RADX: variants seen among roughly 807,000 people sequenced by gnomAD.
RADX encodes RPA-related protein RADX.
A neutral mutation model predicts 61.6 loss-of-function variants in RADX; 36 were observed. The ratio of observed to expected loss-of-function variants is 0.58; its 90% CI spans 0.45 to 0.77. RADX has a LOEUF of 0.77. Among genes scored for constraint, RADX ranks in the 30% least tolerant of loss-of-function variants. The probability of loss-of-function intolerance (pLI) is 0.00; values close to 1 mark genes in which losing one functional copy is unlikely to be tolerated. For synonymous variants in RADX, 272 were observed against 237.9 expected (o/e 1.14, Z -1.32); for missense variants, 497 against 651.1 (o/e 0.76, Z 2.58).
At chrX:106,618,788 T>A (rs757594858) in intron 1 of RADX, among the ~76,000 whole-genome samples, 16 of 110,390 alleles carry the variant, frequency 1.4e-4, no homozygotes, top group African/African-American at 5.3e-4. Context: ...ACCAAAAGAG[T>A]GAGACCTTGT....
Position 106,612,512 on chromosome X carries a change from C to A in RADX, c.432C>A (p.Gly144=). ...VSCLYNEKRI[G]QGILCIDNVH... is the part of the protein sequence containing the mutation. Reference sequence around the variant, plus strand: ...GTCTTTACAATGAGAAAAGGATAGGCCAGGGGATCCTGTGCATAGATAACG... The same window carrying A: ...GTCTTTACAATGAGAAAAGGATAGGACAGGGGATCCTGTGCATAGATAACG... The change falls in exon 1 of 14, where the codon GGC becomes GGA. Residue 144 remains glycine, a synonymous_variant. Transcript: ENST00000372548. 8.3e-7 allele frequency: 1 copy of A among 1,210,187 alleles called. No homozygotes were observed. The highest frequency in any genetic ancestry group is 1.1e-6 in the Non-Finnish European group (1 of 894,253).
In RADX at chrX:106,612,176, G is replaced by A; in HGVS notation, c.96G>A (p.Gly32=). ...GGAATCGGGCTGGGGTCCCGGGAGG[G>A]GTGATCCGAAGAGCTGGTTCCCAAG... ...PERNRAGVPG[G]VIRRAGSQGP... The change falls in exon 1 of 14, where the codon GGG becomes GGA. Residue 32 remains glycine, a synonymous_variant. Transcript: ENST00000372548. The A allele has an allele frequency of 8.3e-7, 1 of 1,211,831 alleles. No individual in the cohort carries two copies. Among genetic ancestry groups the A allele is most frequent in the East Asian group, 3.0e-5 (1 of 33,809 alleles).
At chrX:106,650,815 A>G (rs1185390234) in intron 11 of RADX, among the ~76,000 whole-genome samples, 1 of 111,995 alleles carries the variant, frequency 8.9e-6, no homozygotes, top group African/African-American at 3.2e-5. Context: ...ATCCACACAC[A>G]CACTTATCGG....
intron 12 of RADX, among the ~76,000 whole-genome samples, chrX:106,668,089 G>A (rs1321692880): frequency 1.8e-5 from 2 of 111,369 alleles, no homozygotes; most frequent in East Asian, 2.8e-4. Context: ...CTTAGAAAGC[G>A]CTAAGTGGCC....
At chrX:106,623,119 A>T (rs1465612312) in intron 2 of RADX, among the ~76,000 whole-genome samples, 1 of 111,101 alleles carries the variant, frequency 9.0e-6, no homozygotes, top group African/African-American at 3.3e-5. Flanking sequence ...TTAAAAAAAG[A>T]AAAGAAAAGA....
intron 12 of RADX, among the ~76,000 whole-genome samples, chrX:106,667,620 C>G (rs1278372821): frequency 9.0e-6 from 1 of 111,404 alleles, no homozygotes; most frequent in Non-Finnish European, 1.9e-5. Flanking sequence ...CCACCACACC[C>G]GACCAGAACT....
chrX:106,676,036 A>G (rs947078364), intron 13 of RADX, among the ~76,000 whole-genome samples: 1 of 111,949 alleles, frequency 8.9e-6, no homozygotes, highest in African/African-American at 3.2e-5. Flanking sequence ...GAACAGCTGA[A>G]CAGAAGACTT....
chrX:106,664,144 T>TA (rs1246338471), intron 12 of RADX, among the ~76,000 whole-genome samples: 1 of 111,269 alleles, frequency 9.0e-6, no homozygotes, highest in Non-Finnish European at 1.9e-5. Context: ...TAGGTATTAC[T>TA]AGGTACTTGC....
chrX:106,627,218 G>A (rs891261649), intron 3 of RADX, among the ~76,000 whole-genome samples: 1 of 111,464 alleles, frequency 9.0e-6, no homozygotes, highest in Non-Finnish European at 1.9e-5. Context: ...GCATTGCTAT[G>A]GGTTTAAATC....
At chrX:106,650,601 G>C (rs1006958621) in intron 11 of RADX, among the ~76,000 whole-genome samples, 10 of 111,230 alleles carry the variant, frequency 9.0e-5, no homozygotes, top group Non-Finnish European at 7.5e-5. Context: ...TTTTTTTATA[G>C]AGATAGTGTC....
intron 11 of RADX, among the ~76,000 whole-genome samples, 175 bp from the exon 12 acceptor site, chrX:106,661,840 C>T (rs1178403444): frequency 1.8e-5 from 2 of 111,479 alleles, no homozygotes; most frequent in Non-Finnish European, 3.8e-5. Flanking sequence ...AATTTAGTTC[C>T]TCACTTTAAT....
intron 3 of RADX, among the ~76,000 whole-genome samples, chrX:106,630,354 A>C (rs901029014): frequency 6.3e-5 from 7 of 110,315 alleles, no homozygotes; most frequent in African/African-American, 2.3e-4. Flanking sequence ...ACAAAAAAAA[A>C]AAAAAACACC....
In RADX at chrX:106,614,652, C is replaced by T. The variant is rs549751762; in HGVS notation, c.643+1929C>T. Among the ~76,000 whole-genome samples the T allele has an allele frequency of 6.0e-4, 67 of 111,558 alleles. No homozygotes were observed. The South Asian group carries it at 0.024, about 40-fold the overall frequency. On this transcript the variant is annotated intron_variant, in intron 1 of 13. Coordinates refer to ENST00000372548, the MANE Select transcript of RADX (RefSeq NM_018015.6). ...AACATACATATGAGAATGCCCATTT[C>T]CCCATATCTTACTATTTTTAAATAC...
chrX:106,632,263 A>T (rs1249605265), intron 3 of RADX, among the ~76,000 whole-genome samples: 1 of 112,200 alleles, frequency 8.9e-6, no homozygotes, highest in Non-Finnish European at 1.9e-5. Flanking sequence ...ACATGGATGA[A>T]TTTTATTAAT....
Position 106,612,156 on chromosome X carries a change from C to G in RADX, c.76C>G (p.Arg26Gly). Residue 26 changes from arginine (R) to glycine (G), a missense_variant, in exon 1 of 14, where the codon CGG becomes GGG. Arg to Gly is a moderately radical substitution (Grantham distance 125, BLOSUM62 -2). This residue lies in a region of RADX where 34 missense variants were observed against 29.1 expected (regional missense o/e 1.17). Transcript: ENST00000372548. ...GLDWPNPERN[R>G]AGVPGGVIRR... ...AGATTGGCCGAACCCTGAGAGGAAT[C>G]GGGCTGGGGTCCCGGGAGGGGTGAT... 5 of 1,211,637 alleles carry G rather than the reference C, an allele frequency of 4.1e-6. No homozygotes were observed. The highest frequency in any genetic ancestry group is 5.6e-6 in the Non-Finnish European group (5 of 895,323).
intron 12 of RADX, among the ~76,000 whole-genome samples, chrX:106,668,275 G>A (rs1821470227): frequency 8.9e-6 from 1 of 111,894 alleles, no homozygotes; most frequent in Non-Finnish European, 1.9e-5. Context: ...AGATATTAAG[G>A]TCATAGAATC....
At chrX:106,674,304 C>G (rs1401545540) in intron 13 of RADX, among the ~76,000 whole-genome samples, 1 of 111,457 alleles carries the variant, frequency 9.0e-6, no homozygotes. Flanking sequence ...GATACATACC[C>G]AGTAGTGGAA....
chrX:106,627,070 C>A (rs1927090454), intron 3 of RADX, among the ~76,000 whole-genome samples: 1 of 112,159 alleles, frequency 8.9e-6, no homozygotes, highest in African/African-American at 3.2e-5. Flanking sequence ...CCATCTGCAG[C>A]CTGTAGTTTG....
chrX:106,612,157 G>A lies in RADX; in HGVS notation c.77G>A (p.Arg26Gln). 1 of 1,211,838 alleles carries A rather than the reference G, an allele frequency of 8.3e-7. No individual in the cohort carries two copies. Among genetic ancestry groups the A allele is most frequent in the South Asian group, 1.8e-5 (1 of 56,985 alleles). ...GATTGGCCGAACCCTGAGAGGAATC[G>A]GGCTGGGGTCCCGGGAGGGGTGATC... ...GLDWPNPERN[R>Q]AGVPGGVIRR... Residue 26 changes from arginine to glutamine, a missense_variant, in exon 1 of 14, where the codon CGG becomes CAG. Around this residue, in one of 3 missense-constraint regions of RADX, gnomAD observed 34 missense variants for 29.1 expected, o/e 1.17. Transcript: ENST00000372548.
Sources: gnomAD v4.1 joint callset for allele counts (sites outside exome capture counted in the v4.1 genomes callset) on GRCh38, gnomAD v4.1.1 for gene constraint, gnomAD v4.1.1 regional missense constraint, MANE v1.5 for transcripts, NCBI Gene and HGNC (gene_info 2026-07-23, HGNC 2026-07-21) for gene names.